Variants in RIMS2 observed in about 807,000 individuals in gnomAD.
The protein encoded by RIMS2 is regulating synaptic membrane exocytosis 2.
Under a neutral mutation model 174.4 loss-of-function variants are expected in RIMS2, and 59 were observed. The observed-to-expected ratio is 0.34, with a 90% CI of 0.27 to 0.42. The LOEUF (loss-of-function observed/expected upper bound fraction) is 0.42, where lower values mean the gene tolerates loss of function less well. Among genes scored for constraint, RIMS2 ranks in the 10% least tolerant of loss-of-function variants. RIMS2 has a pLI of 1.00. For synonymous variants in RIMS2, 606 were observed against 572.5 expected, an observed-to-expected ratio of 1.06 and a Z score of -0.84; for missense variants, 1,620 against 1,666.3, an observed-to-expected ratio of 0.97 and a Z score of 0.48.
At chr8:103,528,267 G>A (rs1835093994) in intron 1 of RIMS2, among the ~76,000 whole-genome samples, 1 of 151,628 alleles carries the variant, frequency 6.6e-6, no homozygotes, top group South Asian at 2.1e-4. Context: ...ATTTGTTTGA[G>A]TTCTTCGTAG....
chr8:103,622,055 C>G (rs1375130526), intron 1 of RIMS2, among the ~76,000 whole-genome samples: 1 of 151,882 alleles, frequency 6.6e-6, no homozygotes, highest in Non-Finnish European at 1.5e-5. Context: ...TCATTAATTT[C>G]TAGAGATTTG....
intron 19 of RIMS2, among the ~76,000 whole-genome samples, chr8:104,086,380 G>A (rs984272826): frequency 2.0e-5 from 3 of 148,942 alleles, no homozygotes; most frequent in Non-Finnish European, 3.0e-5. Context: ...AAAAGCATAA[G>A]CTTTGCAGCT....
chr8:103,570,119 C>T (rs919827692), intron 1 of RIMS2, among the ~76,000 whole-genome samples: 1 of 152,132 alleles, frequency 6.6e-6, no homozygotes, highest in African/African-American at 2.4e-5. Flanking sequence ...TCCTTTAGAA[C>T]TGCATTAGGT....
intron 1 of RIMS2, among the ~76,000 whole-genome samples, chr8:103,503,808 T>A (rs1586321175): frequency 6.6e-6 from 1 of 152,022 alleles, no homozygotes; most frequent in South Asian, 2.1e-4. Flanking sequence ...ATGCATATAA[T>A]TTTAAATATG....
chr8:103,915,964 G>C (rs562864831), intron 7 of RIMS2, among the ~76,000 whole-genome samples: 1 of 151,796 alleles, frequency 6.6e-6, no homozygotes, highest in Non-Finnish European at 1.5e-5. Flanking sequence ...AATGGATACT[G>C]TTGGAGAAAT....
intron 15 of RIMS2, among the ~76,000 whole-genome samples, chr8:103,963,414 A>C (rs1017907124): frequency 4.6e-5 from 7 of 152,208 alleles, no homozygotes; most frequent in Admixed American, 2.6e-4. Context: ...CATTCATAAT[A>C]AACCTGAACT....
intron 19 of RIMS2, 66 bp downstream of exon 23, chr8:104,068,678 A>T: frequency 2.5e-6 from 2 of 813,982 alleles, no homozygotes; most frequent in Non-Finnish European, 4.1e-6. Context: ...GATTCTTTTA[A>T]ACTACTAAAT....
At chr8:103,951,640 A>G (rs1003792053) in intron 14 of RIMS2, among the ~76,000 whole-genome samples, 2 of 152,132 alleles carry the variant, frequency 1.3e-5, no homozygotes, top group African/African-American at 4.8e-5. Context: ...CCATGCTACC[A>G]GGGCCCTGGG....
chr8:103,817,291 T>A (rs1306977350), intron 3 of RIMS2, among the ~76,000 whole-genome samples: 1 of 152,202 alleles, frequency 6.6e-6, no homozygotes, highest in Non-Finnish European at 1.5e-5. Flanking sequence ...AGTTTTCCTA[T>A]TCATCTATTG....
intron 1 of RIMS2, among the ~76,000 whole-genome samples, chr8:103,578,556 A>AC (rs2093406431): frequency 6.9e-6 from 1 of 144,618 alleles, no homozygotes; most frequent in Non-Finnish European, 1.6e-5. Flanking sequence ...ACAAAACAAA[A>AC]CAACAACAAC....
chr8:103,863,087 T>C (rs1308901877), intron 3 of RIMS2, among the ~76,000 whole-genome samples: 1 of 152,166 alleles, frequency 6.6e-6, no homozygotes, highest in African/African-American at 2.4e-5. Context: ...TTCACTATGA[T>C]ATTGGCTGTG....
intron 3 of RIMS2, among the ~76,000 whole-genome samples, chr8:103,854,707 A>G (rs1421578298): frequency 6.6e-6 from 1 of 152,048 alleles, no homozygotes; most frequent in Non-Finnish European, 1.5e-5. Flanking sequence ...GTATCCCAGG[A>G]AAAAGCCTGC....
chr8:103,613,560 C>G (rs1183442011), intron 1 of RIMS2, among the ~76,000 whole-genome samples: 2 of 152,190 alleles, frequency 1.3e-5, no homozygotes, highest in Non-Finnish European at 2.9e-5. Context: ...TGTGCCTGGA[C>G]TGGTACCTAA....
Position 103,910,506 on chromosome 8 carries a change from G to A in RIMS2, c.1692+305G>A, listed in dbSNP as rs377485905. On this transcript the variant is annotated intron_variant, in intron 5 of 23. Coordinates refer to ENST00000504942, the Ensembl canonical transcript of RIMS2. The stretch of plus-strand genomic sequence containing the variant: ...TACGTGTAGTAGCACAACCCTTAAC[G>A]AGGAGCATAGCCATAGTGATAAGGT... 65 of 1,594,596 alleles carry A rather than the reference G, an allele frequency of 4.1e-5. 1 individual carries two copies. Among genetic ancestry groups the A allele is most frequent in the South Asian group, 3.2e-4 (29 of 91,002 alleles).
intron 1 of RIMS2, among the ~76,000 whole-genome samples, chr8:103,672,095 G>T (rs2096751831): frequency 6.6e-6 from 1 of 151,908 alleles, no homozygotes; most frequent in African/African-American, 2.4e-5. Flanking sequence ...TAGCCAAAGG[G>T]ATAAATAAAA....
At chr8:103,599,771 G>A (rs1052961331) in intron 1 of RIMS2, among the ~76,000 whole-genome samples, 3 of 151,732 alleles carry the variant, frequency 2.0e-5, no homozygotes, top group African/African-American at 7.3e-5. Flanking sequence ...TTTAATTTTT[G>A]TGCATACATA....
At chr8:103,576,008 T>G (rs1013247706) in intron 1 of RIMS2, among the ~76,000 whole-genome samples, 1 of 152,178 alleles carries the variant, frequency 6.6e-6, no homozygotes, top group Non-Finnish European at 1.5e-5. Flanking sequence ...AAGGAAAAAT[T>G]ATCCTTGAGG....
At chr8:104,008,937 C>T (rs562829717) in intron 17 of RIMS2, among the ~76,000 whole-genome samples, 5 of 152,046 alleles carry the variant, frequency 3.3e-5, no homozygotes, top group Non-Finnish European at 2.9e-5. Flanking sequence ...TATTCGTATT[C>T]GTGCACATTA....
At position 103,980,408 on chromosome 8, in the gene RIMS2, C is replaced by T. The variant is rs139727789; in HGVS notation, c.2927+4902C>T. 1.5e-3 allele frequency among the ~76,000 whole-genome samples: 235 copies of T among 152,296 alleles called. 2 individuals are homozygous for T. The East Asian group carries it at 0.034, about 22-fold the overall frequency. ...ACCTGCTGAATAAAGACCCCCTGGGCGCTGAATAACCAGCAATGATACCCA... is the reference window on the plus strand; with the variant it reads ...ACCTGCTGAATAAAGACCCCCTGGGTGCTGAATAACCAGCAATGATACCCA... On this transcript the variant is annotated intron_variant, in intron 16 of 23. Coordinates refer to ENST00000504942, the Ensembl canonical transcript of RIMS2.
Sources: allele counts gnomAD v4.1 joint callset (sites outside exome capture counted in the v4.1 genomes callset), GRCh38; gene constraint gnomAD v4.1.1; transcripts MANE v1.5; gene names NCBI Gene and HGNC (gene_info 2026-07-23, HGNC 2026-07-21).